Variants in RNF182 observed in about 807,000 individuals in gnomAD.
The protein encoded by RNF182 is ring finger protein 182.
RNF182 carries 15 observed loss-of-function variants against 14.4 expected under a neutral mutation model. That is an observed-to-expected ratio of 1.04 (90% CI 0.70 to 1.60). RNF182 has a LOEUF of 1.60. Among genes scored for constraint, RNF182 ranks in the 40% most tolerant of loss-of-function variants. The pLI, the probability that RNF182 is intolerant of heterozygous loss-of-function variation, is 0.00. For missense variants in RNF182, 268 were observed against 294.8 expected (o/e 0.91, Z 0.67); for synonymous variants, 128 against 122.9 (o/e 1.04, Z -0.27).
At chr6:13,962,183 T>G (rs559989255) in intron 1 of RNF182, among the ~76,000 whole-genome samples, 1 of 152,276 alleles carries the variant, frequency 6.6e-6, no homozygotes, top group South Asian at 2.1e-4. Context: ...CTAACTAGAA[T>G]CCAGCTTCTG....
At chr6:13,938,124 T>C (rs562174562) in intron 1 of RNF182, among the ~76,000 whole-genome samples, 59 of 148,060 alleles carry the variant, frequency 4.0e-4, no homozygotes, top group African/African-American at 1.3e-3. Flanking sequence ...CCTCGGTCTC[T>C]GCGTAACTGG....
chr6:13,960,697 G>GCGTGCGCGCA (rs1554126703), intron 1 of RNF182, among the ~76,000 whole-genome samples: 5 of 149,730 alleles, frequency 3.3e-5, no homozygotes, highest in Admixed American at 6.6e-5. Flanking sequence ...GTGTGTGCGC[G>GCGTGCGCGCA]CGTGCACATG....
intron 1 of RNF182, among the ~76,000 whole-genome samples, chr6:13,959,988 C>G (rs1025654020): frequency 1.3e-5 from 2 of 151,506 alleles, no homozygotes; most frequent in Admixed American, 1.3e-4. Flanking sequence ...GTTCTAACAT[C>G]TAGAGATTTG....
intron 1 of RNF182, among the ~76,000 whole-genome samples, chr6:13,950,402 A>G (rs1759557697): frequency 6.6e-6 from 1 of 152,134 alleles, no homozygotes; most frequent in Non-Finnish European, 1.5e-5. Flanking sequence ...CACATTTACC[A>G]AGGACAGTAT....
At chr6:13,937,778 C>A (rs1446374311) in intron 1 of RNF182, among the ~76,000 whole-genome samples, 3 of 151,548 alleles carry the variant, frequency 2.0e-5, no homozygotes, top group Non-Finnish European at 4.4e-5. Flanking sequence ...ACATTCTCAA[C>A]ATCAGTGTAT....
At chr6:13,961,890 C>T (rs1759893256) in intron 1 of RNF182, among the ~76,000 whole-genome samples, 1 of 152,124 alleles carries the variant, frequency 6.6e-6, no homozygotes, top group East Asian at 1.9e-4. Context: ...CTAGAGTCAG[C>T]TGATGGTCCT....
intron 1 of RNF182, chr6:13,949,255 T>C (rs1457990211): frequency 5.1e-6 from 4 of 783,548 alleles, no homozygotes; most frequent in Non-Finnish European, 9.5e-6. Flanking sequence ...AGACACCAGT[T>C]GTTTCCTCTG....
intron 1 of RNF182, among the ~76,000 whole-genome samples, chr6:13,966,631 C>T (rs754842799): frequency 1.6e-4 from 25 of 151,920 alleles, no homozygotes; most frequent in South Asian, 8.4e-4. Flanking sequence ...AGCGTGGTGG[C>T]GCACACCTGT....
At chr6:13,973,285 G>A (rs1760240537) in intron 1 of RNF182, among the ~76,000 whole-genome samples, 1 of 152,202 alleles carries the variant, frequency 6.6e-6, no homozygotes. Context: ...AGGCAGATGG[G>A]ACTTGCCTTG....
intron 1 of RNF182, among the ~76,000 whole-genome samples, chr6:13,941,783 A>G (rs951431476): frequency 6.6e-6 from 1 of 152,074 alleles, no homozygotes; most frequent in African/African-American, 2.4e-5. Context: ...TCCTTCCGTG[A>G]TGGTGTAGTG....
intron 1 of RNF182, among the ~76,000 whole-genome samples, chr6:13,954,540 TTTTAAA>T (rs1158309921): frequency 6.6e-6 from 1 of 152,178 alleles, no homozygotes; most frequent in Non-Finnish European, 1.5e-5. Context: ...ATTATGGGAT[TTTTAAA>T]TTTAAATTTA....
At chr6:13,966,054 T>C (rs1215496601) in intron 1 of RNF182, among the ~76,000 whole-genome samples, 2 of 152,176 alleles carry the variant, frequency 1.3e-5, no homozygotes, top group Non-Finnish European at 2.9e-5. Flanking sequence ...AGTTTTAAGC[T>C]TTAAGACAAG....
At chr6:13,942,831 C>A (rs1759334317) in intron 1 of RNF182, among the ~76,000 whole-genome samples, 1 of 152,070 alleles carries the variant, frequency 6.6e-6, no homozygotes, top group Non-Finnish European at 1.5e-5. Flanking sequence ...TTCTAATGAC[C>A]TATGTTTCAA....
At chr6:13,948,923 T>A (rs758208694) in intron 1 of RNF182, among the ~76,000 whole-genome samples, 2 of 152,230 alleles carry the variant, frequency 1.3e-5, no homozygotes, top group African/African-American at 2.4e-5. Context: ...CATGAAAATC[T>A]TGTTCAAAAG....
chr6:13,938,016 T>TG (rs1182712505), intron 1 of RNF182, among the ~76,000 whole-genome samples: 2 of 142,906 alleles, frequency 1.4e-5, no homozygotes, highest in Admixed American at 1.4e-4. Context: ...TTTTTTTTTT[T>TG]TTTTTTTTTT....
intron 1 of RNF182, among the ~76,000 whole-genome samples, chr6:13,928,049 T>C (rs938953279): frequency 1.3e-5 from 2 of 152,216 alleles, no homozygotes; most frequent in African/African-American, 4.8e-5. Context: ...TTGTGGTGTT[T>C]AGTGACATGG....
chr6:13,961,673 C>G (rs138985907), intron 1 of RNF182: 1 of 152,188 alleles, frequency 6.6e-6, no homozygotes, highest in Non-Finnish European at 1.5e-5. Context: ...ATAGTGGCCT[C>G]TCTTCCAAAA....
chr6:13,959,530 TAGA>T (rs1184806332), intron 1 of RNF182, among the ~76,000 whole-genome samples: 1 of 152,216 alleles, frequency 6.6e-6, no homozygotes, highest in Non-Finnish European at 1.5e-5. Flanking sequence ...GAAGATAAAT[TAGA>T]AGGTTCTGCA....
intron 1 of RNF182, among the ~76,000 whole-genome samples, chr6:13,926,789 GTGT>G (rs1237365079): frequency 4.4e-5 from 6 of 136,518 alleles, no homozygotes; most frequent in African/African-American, 1.8e-4. Context: ...GTGTGTGTGT[GTGT>G]TTTTTTTTTT....
Sources: gnomAD v4.1 joint callset for allele counts (sites outside exome capture counted in the v4.1 genomes callset) on GRCh38, gnomAD v4.1.1 for gene constraint, MANE v1.5 for transcripts, NCBI Gene and HGNC (gene_info 2026-07-23, HGNC 2026-07-21) for gene names.